ACSM1: variants seen among roughly 807,000 people sequenced by gnomAD.
The protein encoded by ACSM1 is acyl-coenzyme A synthetase ACSM1, mitochondrial.
In ACSM1, 79 loss-of-function variants were observed where a neutral mutation model predicts 75.8. That is an observed-to-expected ratio of 1.04 (90% confidence interval 0.87 to 1.26). ACSM1 has a LOEUF of 1.26. Ranked by LOEUF, ACSM1 falls within the 50% of genes most tolerant of loss-of-function variation. The pLI, the probability that ACSM1 is intolerant of heterozygous loss-of-function variation, is 0.00. For missense variants in ACSM1, 676 were observed against 720.1 expected (o/e 0.94, Z 0.70); for synonymous variants, 279 against 265.8 (o/e 1.05, Z -0.48).
In ACSM1 at chr16:20,685,251, G is replaced by A. The variant is rs1038233153; in HGVS notation, c.345C>T (p.Ala115=). The part of the protein sequence containing the change: ...TCGLQQGDHL[A]LMLPRVPEWW... Reference sequence around the variant, plus strand: ...ACTCAGGAACTCGAGGCAGCATCAAGGCCAGATGGTCTCCCTGTTGTAGGC... The same window carrying A: ...ACTCAGGAACTCGAGGCAGCATCAAAGCCAGATGGTCTCCCTGTTGTAGGC... The change falls in exon 3 of 14, where the codon GCC becomes GCT. Residue 115 remains alanine (A), a synonymous_variant. Coordinates refer to ENST00000520010, the MANE Select transcript of ACSM1 (RefSeq NM_001318890.3). 4 of 1,614,178 alleles carry A rather than the reference G, an allele frequency of 2.5e-6. No individual in the cohort carries two copies. Among genetic ancestry groups the A allele is most frequent in the Admixed American group, 1.7e-5 (1 of 60,026 alleles).
At position 20,640,461 on chromosome 16, in the gene ACSM1, C is replaced by T. The variant is rs765295558; in HGVS notation, c.1116G>A (p.Thr372=). ...LLYENYGQSE[T]GLICATYWGM... is the part of the protein sequence containing the mutation. ...ACACTTTCTGGTTTGCACCACCTAC[C>T]GTTTCCGACTGCCCATAGTTCTCGT... Residue 372 remains threonine, a splice_region_variant and synonymous_variant, in exon 8 of 14, where the codon ACG becomes ACA. Coordinates refer to ENST00000520010, the MANE Select transcript of ACSM1 (RefSeq NM_001318890.3). 1.2e-5 allele frequency: 19 copies of T among 1,613,996 alleles called. No homozygotes were observed. The highest frequency in any genetic ancestry group is 3.3e-5 in the South Asian group (3 of 91,082).
chr16:20,625,336 G>A, intron 12 of ACSM1, 87 bp downstream of exon 12: 1 of 1,321,716 alleles, frequency 7.6e-7, no homozygotes. Flanking sequence ...TTCCACCAAG[G>A]CTGCACAGGT....
At chr16:20,691,660 C>T (rs2079653293) in intron 1 of ACSM1, among the ~76,000 whole-genome samples, 1 of 151,962 alleles carries the variant, frequency 6.6e-6, no homozygotes, top group African/African-American at 2.4e-5. Context: ...TATATGATCC[C>T]ATCCCATGAC....
chr16:20,627,865 T>TATAC lies in ACSM1; in HGVS notation c.1300-553_1300-550dup, dbSNP rs1350354774. On this transcript the variant is annotated intron_variant, in intron 10 of 13. Transcript: ENST00000520010. ...CTCTCTCTCTCTCTCTCTCTGTATG[T>TATAC]ATACATATATATATATATATATATA... Among the ~76,000 whole-genome samples, 266 of 42,884 alleles carry TATAC rather than the reference T, an allele frequency of 6.2e-3. 8 individuals carry two copies. Among genetic ancestry groups the TATAC allele is most frequent in the East Asian group, 0.019 (19 of 1,012 alleles). 28.1% of individuals were successfully genotyped at this position (42,884 alleles called of 152,430 possible). A position where few individuals can be genotyped will look rare whatever the true frequency, so the allele number is the denominator to read the frequency against.
At chr16:20,662,768 T>C (rs532105337) in intron 6 of ACSM1, among the ~76,000 whole-genome samples, 2 of 152,258 alleles carry the variant, frequency 1.3e-5, no homozygotes, top group African/African-American at 4.8e-5. Flanking sequence ...CTAGCCTCTA[T>C]CTCTTTAATA....
At chr16:20,646,488 T>C (rs890200000) in intron 7 of ACSM1, among the ~76,000 whole-genome samples, 3 of 152,172 alleles carry the variant, frequency 2.0e-5, no homozygotes, top group Non-Finnish European at 2.9e-5. Flanking sequence ...TCCTGGACAC[T>C]GGCACGGCCT....
At chr16:20,643,278 G>A (rs984273486) in intron 7 of ACSM1, among the ~76,000 whole-genome samples, 26 of 152,154 alleles carry the variant, frequency 1.7e-4, no homozygotes, top group East Asian at 7.7e-4. Flanking sequence ...ATTTAGCCCC[G>A]AATTCTAAGG....
intron 1 of ACSM1, among the ~76,000 whole-genome samples, chr16:20,692,840 C>T (rs1351627390): frequency 6.6e-6 from 1 of 152,030 alleles, no homozygotes; most frequent in Non-Finnish European, 1.5e-5. Flanking sequence ...GGCATAACTC[C>T]CTAAGCCCCT....
chr16:20,677,319 A>G (rs1244532110), intron 4 of ACSM1, among the ~76,000 whole-genome samples: 1 of 152,172 alleles, frequency 6.6e-6, no homozygotes, highest in Non-Finnish European at 1.5e-5. Flanking sequence ...CATAAGTGAA[A>G]GGGAGGCCAT....
intron 7 of ACSM1, among the ~76,000 whole-genome samples, chr16:20,641,012 C>T (rs150050669): frequency 1.3e-3 from 199 of 152,218 alleles, no homozygotes; most frequent in African/African-American, 4.6e-3. Context: ...GCTTACACTA[C>T]GCTAACTAAA....
intron 2 of ACSM1, among the ~76,000 whole-genome samples, chr16:20,685,836 C>A (rs231919): frequency 0.83 from 90,044 of 108,004 alleles, 36,077 homozygotes; most frequent in Admixed American, 0.88. Flanking sequence ...AAAAAACAAA[C>A]AAAAAAAAAA....
chr16:20,636,091 A>C (rs914504451), intron 10 of ACSM1, among the ~76,000 whole-genome samples: 6 of 152,190 alleles, frequency 3.9e-5, no homozygotes, highest in Non-Finnish European at 8.8e-5. Flanking sequence ...GACAGCCGCC[A>C]ATGAAAGTGT....
chr16:20,628,001 C>A lies in ACSM1; in HGVS notation c.1300-685G>T, dbSNP rs576781468. Among the ~76,000 whole-genome samples the A allele has an allele frequency of 2.7e-5, 4 of 149,288 alleles. No homozygotes were observed. In the East Asian group the frequency reaches 8.0e-4, roughly 30 times the overall value. Reference sequence around the variant, plus strand: ...TGCTTACTGCTATAAGCTCAGCATTCACATAGAGCCTGGACAGATGAGAGG... The same window carrying A: ...TGCTTACTGCTATAAGCTCAGCATTAACATAGAGCCTGGACAGATGAGAGG... On this transcript the variant is annotated intron_variant, in intron 10 of 13. Transcript: ENST00000520010.
intron 10 of ACSM1, among the ~76,000 whole-genome samples, chr16:20,630,331 C>T (rs2017270333): frequency 6.6e-6 from 1 of 152,084 alleles, no homozygotes; most frequent in South Asian, 2.1e-4. Flanking sequence ...AAGTGATCCA[C>T]CTGCCTCGGC....
intron 4 of ACSM1, among the ~76,000 whole-genome samples, chr16:20,676,815 A>G (rs1020571778): frequency 6.6e-6 from 1 of 152,082 alleles, no homozygotes; most frequent in Non-Finnish European, 1.5e-5. Flanking sequence ...TAGAAGAATA[A>G]ATGCCCCAAA....
intron 7 of ACSM1, among the ~76,000 whole-genome samples, chr16:20,644,308 A>G (rs1429410075): frequency 2.0e-5 from 3 of 152,216 alleles, no homozygotes; most frequent in Non-Finnish European, 4.4e-5. Context: ...GTTCAGAGCT[A>G]CCCTAAGGAA....
At chr16:20,680,029 G>C (rs1360560483) in intron 4 of ACSM1, 1 of 152,126 alleles carries the variant, frequency 6.6e-6, no homozygotes, top group Non-Finnish European at 1.5e-5. Context: ...GCAGCCCTAA[G>C]CATCTGTACA....
At chr16:20,694,353 A>G (rs753796450) in intron 1 of ACSM1, among the ~76,000 whole-genome samples, 3 of 152,226 alleles carry the variant, frequency 2.0e-5, no homozygotes, top group Non-Finnish European at 2.9e-5. Context: ...CAGGAAGTAA[A>G]AATGGCCTTG....
intron 7 of ACSM1, among the ~76,000 whole-genome samples, chr16:20,643,250 C>T (rs1259423598): frequency 1.3e-5 from 2 of 152,172 alleles, no homozygotes; most frequent in Admixed American, 6.6e-5. Context: ...GCTTTTAACT[C>T]GCTGGCAGGT....
Sources: allele counts gnomAD v4.1 joint callset (sites outside exome capture counted in the v4.1 genomes callset), GRCh38; gene constraint gnomAD v4.1.1; transcripts MANE v1.5; gene names NCBI Gene and HGNC (gene_info 2026-07-23, HGNC 2026-07-21).